SH3BGRL2: variants seen among roughly 807,000 people sequenced by gnomAD.
The protein encoded by SH3BGRL2 is SH3 domain-binding glutamic acid-rich-like protein 2.
SH3BGRL2 carries 21 observed loss-of-function variants against 14.8 expected under a neutral mutation model. The observed-to-expected ratio is 1.42, with a 90% confidence interval of 1.01 to 2.05. The LOEUF (loss-of-function observed/expected upper bound fraction) is 2.05, where lower values mean the gene tolerates loss of function less well. Among genes scored for constraint, SH3BGRL2 ranks in the 30% most tolerant of loss-of-function variants. SH3BGRL2 has a pLI of 0.00. For missense variants in SH3BGRL2, 147 were observed against 130.8 expected (o/e 1.12, Z -0.61); for synonymous variants, 50 against 47.8 (o/e 1.05, Z -0.19).
chr6:79,701,835 T>C lies in SH3BGRL2; in HGVS notation c.*2326T>C, dbSNP rs570816004. Reference sequence around the variant, plus strand: ...GAAACATATAATAATGATTTTCTTGTTCCCTTCTTTAACTAGCTGCCTTTA... The same window carrying C: ...GAAACATATAATAATGATTTTCTTGCTCCCTTCTTTAACTAGCTGCCTTTA... On this transcript the variant is annotated 3_prime_UTR_variant, in exon 4 of 4. Coordinates refer to ENST00000369838, the MANE Select transcript of SH3BGRL2 (RefSeq NM_031469.4). 1 of 152,580 alleles carries C rather than the reference T, an allele frequency of 6.6e-6. No homozygotes were observed. The highest frequency in any genetic ancestry group is 1.5e-5 in the Non-Finnish European group (1 of 68,026). 9.5% of individuals were successfully genotyped at this position (152,580 alleles called of 1,614,324 possible). A position where few individuals can be genotyped will look rare whatever the true frequency, so the allele number is the denominator to read the frequency against.
chr6:79,584,094 A>G, the SH3BGRL2 span, among the ~76,000 whole-genome samples: 1 of 152,204 alleles, frequency 6.6e-6, no homozygotes, highest in African/African-American at 2.4e-5. Context: ...AAAATCGTAG[A>G]ATTATGATTT....
chr6:79,683,901 T>C (rs1474101959), intron 2 of SH3BGRL2, among the ~76,000 whole-genome samples: 1 of 152,122 alleles, frequency 6.6e-6, no homozygotes, highest in Non-Finnish European at 1.5e-5. Flanking sequence ...GACAATTGAG[T>C]GTGTCACCTG....
intron 1 of SH3BGRL2, among the ~76,000 whole-genome samples, chr6:79,655,844 T>C (rs1356380103): frequency 2.6e-5 from 4 of 152,186 alleles, no homozygotes; most frequent in Admixed American, 6.5e-5. Context: ...TCTTCCTGAA[T>C]CTGAAACTCT....
intron 2 of SH3BGRL2, among the ~76,000 whole-genome samples, chr6:79,683,205 A>T (rs1404703198): frequency 6.6e-6 from 1 of 152,200 alleles, no homozygotes; most frequent in Non-Finnish European, 1.5e-5. Context: ...AATTTAAAAA[A>T]AAACACTGGT....
the SH3BGRL2 span, among the ~76,000 whole-genome samples, chr6:79,588,178 A>G: frequency 4.6e-5 from 7 of 151,838 alleles, no homozygotes; most frequent in Admixed American, 2.6e-4. Flanking sequence ...CTGTAGTCCC[A>G]GCTACTCGGG....
chr6:79,586,676 C>G, the SH3BGRL2 span, among the ~76,000 whole-genome samples: 1 of 152,148 alleles, frequency 6.6e-6, no homozygotes, highest in Non-Finnish European at 1.5e-5. Flanking sequence ...CATGAACAGC[C>G]TGGCTATTCT....
At chr6:79,626,154 A>T in the SH3BGRL2 span, among the ~76,000 whole-genome samples, 14 of 152,346 alleles carry the variant, frequency 9.2e-5, no homozygotes, top group African/African-American at 2.4e-4. Context: ...GTGCTGGCTA[A>T]CACCTGTAAT....
In SH3BGRL2 at chr6:79,661,058, T is replaced by C. The variant is rs575492736; in HGVS notation, c.46-12556T>C. 5.9e-5 allele frequency among the ~76,000 whole-genome samples: 9 copies of C among 152,322 alleles called. No homozygotes were observed. The South Asian group carries it at 1.9e-3, about 32-fold the overall frequency. On this transcript the variant is annotated intron_variant, in intron 1 of 3. Transcript: ENST00000369838. The stretch of plus-strand genomic sequence containing the variant: ...GTTTATTGCTAGCGGTCTATCAGTT[T>C]TGTTGATCATTTCAAAAAACCAGCT...
chr6:79,572,284 G>A, the SH3BGRL2 span, among the ~76,000 whole-genome samples: 3 of 151,812 alleles, frequency 2.0e-5, no homozygotes, highest in South Asian at 2.1e-4. Flanking sequence ...TGATATCTTC[G>A]TGCACGTAAT....
intron 1 of SH3BGRL2, among the ~76,000 whole-genome samples, chr6:79,660,902 T>A (rs1159898601): frequency 6.6e-6 from 1 of 152,256 alleles, no homozygotes; most frequent in East Asian, 1.9e-4. Flanking sequence ...ATCCATTTCT[T>A]CTAAATTTTC....
chr6:79,610,427 AG>A, the SH3BGRL2 span, among the ~76,000 whole-genome samples: 3 of 152,226 alleles, frequency 2.0e-5, no homozygotes, highest in Admixed American at 6.5e-5. Flanking sequence ...TGAAGCCAAA[AG>A]GAAGCTGCAC....
At chr6:79,578,710 G>C in the SH3BGRL2 span, among the ~76,000 whole-genome samples, 1 of 152,162 alleles carries the variant, frequency 6.6e-6, no homozygotes, top group South Asian at 2.1e-4. Flanking sequence ...GAGCAGAAAA[G>C]CTGAAAATTC....
At chr6:79,584,421 TAA>T in the SH3BGRL2 span, among the ~76,000 whole-genome samples, 1 of 152,160 alleles carries the variant, frequency 6.6e-6, no homozygotes, top group African/African-American at 2.4e-5. Flanking sequence ...AATGGAAATG[TAA>T]AAGAGTCCAC....
chr6:79,611,210 G>A, the SH3BGRL2 span, among the ~76,000 whole-genome samples: 1 of 152,028 alleles, frequency 6.6e-6, no homozygotes, highest in African/African-American at 2.4e-5. Flanking sequence ...TTATAAAGAT[G>A]TACAACAATA....
Position 79,699,595 on chromosome 6 carries a change from A to G in SH3BGRL2, c.*86A>G, listed in dbSNP as rs572073012. 4.2e-6 allele frequency: 6 copies of G among 1,430,664 alleles called. No individual in the cohort carries two copies. Among genetic ancestry groups the G allele is most frequent in the East Asian group, 2.3e-5 (1 of 42,612 alleles). The allele number at this position is 1,430,664 out of a possible 1,614,324, so 88.6% of individuals were successfully genotyped here. A position where few individuals can be genotyped will look rare whatever the true frequency, so the allele number is the denominator to read the frequency against. On this transcript the variant is annotated 3_prime_UTR_variant, in exon 4 of 4. Coordinates refer to ENST00000369838, the MANE Select transcript of SH3BGRL2 (RefSeq NM_031469.4). ...CATGCTTACCTAATGCATCACTGTG[A>G]CAAAAGCCACACGCATTATCAGTAA...
chr6:79,618,274 A>G, the SH3BGRL2 span, among the ~76,000 whole-genome samples: 1 of 152,204 alleles, frequency 6.6e-6, no homozygotes, highest in Admixed American at 6.5e-5. Context: ...TCTATGGACT[A>G]CGTGGATTTT....
chr6:79,565,976 G>A, the SH3BGRL2 span, among the ~76,000 whole-genome samples: 1 of 152,244 alleles, frequency 6.6e-6, no homozygotes, highest in South Asian at 2.1e-4. Flanking sequence ...ATGCAGACTG[G>A]TGCAACTTAC....
At chr6:79,649,947 T>G (rs1769248773) in intron 1 of SH3BGRL2, among the ~76,000 whole-genome samples, 1 of 151,460 alleles carries the variant, frequency 6.6e-6, no homozygotes, top group Non-Finnish European at 1.5e-5. Context: ...TTTTGTTATT[T>G]TTAATGCTAG....
intron 1 of SH3BGRL2, among the ~76,000 whole-genome samples, chr6:79,637,844 T>A (rs1203899488): frequency 1.3e-5 from 2 of 152,220 alleles, no homozygotes; most frequent in Non-Finnish European, 2.9e-5. Flanking sequence ...ACATATATGA[T>A]AATGTTTCAA....
Sources: gnomAD v4.1 joint callset for allele counts (sites outside exome capture counted in the v4.1 genomes callset) on GRCh38, gnomAD v4.1.1 for gene constraint, MANE v1.5 for transcripts, NCBI Gene and HGNC (gene_info 2026-07-23, HGNC 2026-07-21) for gene names.